Variants in KL observed in about 807,000 individuals in gnomAD.
KL encodes the protein klotho.
KL carries 62 observed loss-of-function variants against 84.2 expected under a neutral mutation model. The ratio of observed to expected loss-of-function variants is 0.74; its 90% CI spans 0.60 to 0.91. The LOEUF (loss-of-function observed/expected upper bound fraction) is 0.91, where lower values mean the gene tolerates loss of function less well. Ranked by LOEUF, KL falls within the 40% of genes least tolerant of loss-of-function variation. The pLI, the probability that KL is intolerant of heterozygous loss-of-function variation, is 0.00. For missense variants in KL, 1,261 were observed against 1,305.7 expected (o/e 0.97, Z 0.53); for synonymous variants, 528 against 528.0 (o/e 1.00, Z 0.00).
chr13:33,036,994 G>C (rs1210051182), intron 1 of KL, among the ~76,000 whole-genome samples: 1 of 152,154 alleles, frequency 6.6e-6, no homozygotes, highest in Non-Finnish European at 1.5e-5. Context: ...ATATACAGCA[G>C]TAGACTTTAC....
chr13:33,060,895 GGTAACCAGTCCCAGGT>G lies in KL; in HGVS notation c.1818_1833del (p.Asn607ThrfsTer74), dbSNP rs1872156046. The G allele has an allele frequency of 6.2e-7, 1 of 1,614,038 alleles. No individual in the cohort carries two copies. Among genetic ancestry groups the G allele is most frequent in the Admixed American group, 1.7e-5 (1 of 60,006 alleles). ...GGACTGGGCCCTGATTCTCCCTCTG[GGTAACCAGTCCCAGGT>G]GAACCACACCATCCTGCAGTACTAT... On this transcript the variant is annotated frameshift_variant, in exon 4 of 5. Transcript: ENST00000380099. LOFTEE classifies it high-confidence loss of function.
At chr13:33,063,754 G>A (rs2138247044) in intron 4 of KL, 95 bp from the exon 5 acceptor site, 1 of 1,120,674 alleles carries the variant, frequency 8.9e-7, no homozygotes, top group South Asian at 1.2e-5. Flanking sequence ...TCCAGCCTGT[G>A]TGACAGAGCA....
rs983897071 is a variant in KL, at chr13:33,060,609, G to T, written c.1600-70G>T. The T allele has an allele frequency of 6.3e-6, 10 of 1,583,186 alleles. No individual in the cohort carries two copies. The Admixed American group carries it at 1.5e-4, about 24-fold the overall frequency. Reference sequence around the variant, plus strand: ...GCTCATATTCCTGGCTAGTTTTGCTGAAATAATTGCTTTGAATTACTTCCT... The same window carrying T: ...GCTCATATTCCTGGCTAGTTTTGCTTAAATAATTGCTTTGAATTACTTCCT... On this transcript the variant is annotated intron_variant, in intron 3 of 4. Coordinates refer to ENST00000380099, the MANE Select transcript of KL (RefSeq NM_004795.4).
intron 1 of KL, among the ~76,000 whole-genome samples, chr13:33,031,129 G>A (rs1870956388): frequency 6.6e-6 from 1 of 152,184 alleles, no homozygotes; most frequent in Non-Finnish European, 1.5e-5. Context: ...CTCAATGAAT[G>A]TATAGACATG....
rs1457320264 is a variant in KL, at chr13:33,064,228, C to T, written c.*42C>T. On this transcript the variant is annotated 3_prime_UTR_variant, in exon 5 of 5. Coordinates refer to ENST00000380099, the MANE Select transcript of KL (RefSeq NM_004795.4). The stretch of plus-strand genomic sequence containing the variant: ...ATTCATTCATTTTGAAATAATTATG[C>T]AGACACATCAGCTGTTAACCATTTG... 1 of 1,398,508 alleles carries T rather than the reference C, an allele frequency of 7.2e-7. No individual in the cohort carries two copies. The highest frequency in any genetic ancestry group is 1.2e-5 in the South Asian group (1 of 83,678). The allele number at this position is 1,398,508 out of a possible 1,614,324, so 86.6% of individuals were successfully genotyped here.
At chr13:33,058,490 G>T (rs1008606242) in intron 3 of KL, among the ~76,000 whole-genome samples, 2 of 151,962 alleles carry the variant, frequency 1.3e-5, no homozygotes, top group Middle Eastern at 3.4e-3. Context: ...ACAGGTGCCC[G>T]CCACCGCACC....
At chr13:33,056,627 C>T (rs1871966992) in intron 3 of KL, among the ~76,000 whole-genome samples, 1 of 108,722 alleles carries the variant, frequency 9.2e-6, no homozygotes, top group Non-Finnish European at 1.9e-5. Flanking sequence ...AACCCCGTCT[C>T]TACTAAAAAT....
At chr13:33,020,696 A>T (rs1870544908) in intron 1 of KL, among the ~76,000 whole-genome samples, 1 of 152,126 alleles carries the variant, frequency 6.6e-6, no homozygotes, top group African/African-American at 2.4e-5. Context: ...TACCTCCAGG[A>T]TGTGTCCAGA....
intron 1 of KL, among the ~76,000 whole-genome samples, chr13:33,044,651 T>TC (rs1871460002): frequency 1.0e-5 from 1 of 95,846 alleles, no homozygotes; most frequent in African/African-American, 4.3e-5. Flanking sequence ...TTTTTTTTTT[T>TC]TTTTTTTTTT....
At position 33,032,267 on chromosome 13, in the gene KL, AT is replaced by A. The variant is rs375233045; in HGVS notation, c.819+15011del. On this transcript the variant is annotated intron_variant, in intron 1 of 4. Transcript: ENST00000380099. ...CCCAGATACATCTGTTCCCATTACT[AT>A]TTCTGCGTAATTCCCCCAGACTTAA... is the stretch of plus-strand genomic sequence containing the variant. 2.7e-4 allele frequency among the ~76,000 whole-genome samples: 41 copies of A among 152,270 alleles called. No individual in the cohort carries two copies. The South Asian group carries it at 8.5e-3, about 32-fold the overall frequency.
At chr13:33,046,745 C>CTTTTTT (rs750467289) in intron 1 of KL, among the ~76,000 whole-genome samples, 2 of 129,066 alleles carry the variant, frequency 1.5e-5, no homozygotes, top group African/African-American at 2.9e-5. Flanking sequence ...TGAGATATAT[C>CTTTTTT]TTGTTTTTTT....
Position 33,017,225 on chromosome 13 carries a change from G to A in KL, c.785G>A (p.Arg262Gln), listed in dbSNP as rs1167115070. 3.1e-6 allele frequency: 5 copies of A among 1,589,702 alleles called. No homozygotes were observed. In the East Asian group the frequency reaches 9.0e-5, roughly 29 times the overall value. The change falls in exon 1 of 5, where the codon CGG (arginine) becomes CAG (glutamine). Residue 262 changes from arginine to glutamine, a missense_variant. By Grantham distance (43) the Arg-to-Gln change is conservative. Coordinates refer to ENST00000380099, the MANE Select transcript of KL (RefSeq NM_004795.4). ...GCCCCCGGCATCCGGGGCAGCCCGC[G>A]GCTCGGGTACCTGGTGGCGCACAAC... ...RLAPGIRGSP[R>Q]LGYLVAHNLL...
Position 33,017,237 on chromosome 13 carries a change from T to A in KL, c.797T>A (p.Leu266Gln). 6.3e-7 allele frequency: 1 copy of A among 1,583,176 alleles called. No individual in the cohort carries two copies. The change falls in exon 1 of 5, where the codon CTG becomes CAG. Residue 266 changes from leucine (L) to glutamine (Q), a missense_variant. Transcript: ENST00000380099. ...GIRGSPRLGY[L>Q]VAHNLLLAHA... The stretch of plus-strand genomic sequence containing the variant: ...CGGGGCAGCCCGCGGCTCGGGTACC[T>A]GGTGGCGCACAACCTCCTCCTGGTG...
In KL at chr13:33,053,995, C is replaced by G. The variant is rs202226735; in HGVS notation, c.1048C>G (p.Pro350Ala). Residue 350 changes from proline (P) to alanine (A), a missense_variant, in exon 2 of 5, where the codon CCT becomes GCT. Transcript: ENST00000380099. ...SMKNNLSSIL[P>A]DFTESEKKFI... ...GAAGAATAACCTTTCATCTATTCTG[C>G]CTGATTTTACTGAATCTGAGAAAAA... is the stretch of plus-strand genomic sequence containing the variant. 3 of 1,613,658 alleles carry G rather than the reference C, an allele frequency of 1.9e-6. No homozygotes were observed. The highest frequency in any genetic ancestry group is 2.7e-5 in the African/African-American group (2 of 74,962).
chr13:33,056,072 G>C (rs900749352), intron 3 of KL, among the ~76,000 whole-genome samples: 1 of 152,100 alleles, frequency 6.6e-6, no homozygotes, highest in Admixed American at 6.6e-5. Flanking sequence ...GATGAGTAAG[G>C]GTAACCTTTG....
chr13:33,033,853 G>C (rs1325175357), intron 1 of KL, among the ~76,000 whole-genome samples: 1 of 152,012 alleles, frequency 6.6e-6, no homozygotes, highest in Non-Finnish European at 1.5e-5. Flanking sequence ...TGTTTTTTTA[G>C]CTTCTGAATA....
At position 33,057,287 on chromosome 13, in the gene KL, G is replaced by T. The variant is rs530150280; in HGVS notation, c.1599+1972G>T. Among the ~76,000 whole-genome samples the T allele has an allele frequency of 2.0e-5, 3 of 152,256 alleles. No individual in the cohort carries two copies. In the East Asian group the frequency reaches 5.8e-4, roughly 29 times the overall value. ...GGAACGAATGCAGAACAAGAGTGGG[G>T]GTGTCGGAGGGAGCCCTACTTCTCC... On this transcript the variant is annotated intron_variant, in intron 3 of 4. Coordinates refer to ENST00000380099, the MANE Select transcript of KL (RefSeq NM_004795.4).
chr13:33,054,184 G>C lies in KL; in HGVS notation c.1237G>C (p.Val413Leu). 1.2e-6 allele frequency: 2 copies of C among 1,613,670 alleles called. No individual in the cohort carries two copies. The part of the protein sequence containing the change: ...LEFNHPQIFI[V>L]ENGWFVSGTT... ...ATTTAACCATCCTCAAATATTTATTGTGGAAAATGGCTGGTTTGTCTCAGG... is the reference window on the plus strand; with the variant it reads ...ATTTAACCATCCTCAAATATTTATTCTGGAAAATGGCTGGTTTGTCTCAGG... The change falls in exon 2 of 5, where the codon GTG becomes CTG. Residue 413 changes from valine to leucine, a missense_variant. Val to Leu is a conservative substitution (Grantham distance 32). Coordinates refer to ENST00000380099, the MANE Select transcript of KL (RefSeq NM_004795.4).
chr13:33,022,117 G>C (rs211240), intron 1 of KL, among the ~76,000 whole-genome samples: 47,539 of 152,014 alleles, frequency 0.31, 8,718 homozygotes, highest in Admixed American at 0.44. Flanking sequence ...AATCATAGCA[G>C]TGTTTTAACA....
Sources: allele counts gnomAD v4.1 joint callset (sites outside exome capture counted in the v4.1 genomes callset), GRCh38; gene constraint gnomAD v4.1.1; transcripts MANE v1.5; gene names NCBI Gene and HGNC (gene_info 2026-07-23, HGNC 2026-07-21).